CEP162: variants seen among roughly 807,000 people sequenced by gnomAD.
The protein encoded by CEP162 is centrosomal protein 162.
CEP162 carries 141 observed loss-of-function variants against 169.2 expected under a neutral mutation model. The observed-to-expected ratio is 0.83, with a 90% CI of 0.73 to 0.96. The LOEUF is 0.96. Ranked by LOEUF, CEP162 falls within the 40% of genes least tolerant of loss-of-function variation. The pLI is 0.00. For missense variants in CEP162, 1,600 were observed against 1,587.2 expected (o/e 1.01, Z -0.14); for synonymous variants, 540 against 526.4 (o/e 1.03, Z -0.35).
intron 6 of CEP162, among the ~76,000 whole-genome samples, chr6:84,206,314 A>C (rs559723791): frequency 6.6e-6 from 1 of 150,394 alleles, no homozygotes; most frequent in Non-Finnish European, 1.5e-5. Context: ...ACCTGACTTC[A>C]AACTACACTA....
chr6:84,210,286 T>C (rs1385537348), intron 6 of CEP162, among the ~76,000 whole-genome samples: 1 of 152,226 alleles, frequency 6.6e-6, no homozygotes, highest in African/African-American at 2.4e-5. Flanking sequence ...AAGACATTTT[T>C]CATCTTTTGT....
chr6:84,191,710 T>C lies in CEP162; in HGVS notation c.1109+1899A>G, dbSNP rs1562064993. ...GATGCATATAGCCCTGAATGGGACT[T>C]GGGGCTGCCTGCTTGGGGAAGGGGA... is the stretch of plus-strand genomic sequence containing the variant. On this transcript the variant is annotated intron_variant, in intron 11 of 26. Transcript: ENST00000403245. Among the ~76,000 whole-genome samples, 3 of 152,300 alleles carry C rather than the reference T, an allele frequency of 2.0e-5. No homozygotes were observed. The South Asian group carries it at 6.2e-4, about 32-fold the overall frequency.
At position 84,183,446 on chromosome 6, in the gene CEP162, A is replaced by G. The variant is rs909454888; in HGVS notation, c.1663+1741T>C. ...TAGTTTAGGTCTTTCCTAGACTATTATAAGTAATGCAATCACTCCCCAGTC... is the reference window on the plus strand; with the variant it reads ...TAGTTTAGGTCTTTCCTAGACTATTGTAAGTAATGCAATCACTCCCCAGTC... On this transcript the variant is annotated intron_variant, in intron 13 of 26. Transcript: ENST00000403245. 2.4e-4 allele frequency among the ~76,000 whole-genome samples: 36 copies of G among 152,122 alleles called. 1 individual carries two copies. Among genetic ancestry groups the G allele is most frequent in the Non-Finnish European group, 4.3e-4 (29 of 67,998 alleles).
At chr6:84,221,321 C>G (rs765011542) in intron 2 of CEP162, 150 bp from the exon 3 acceptor site, 3 of 455,998 alleles carry the variant, frequency 6.6e-6, no homozygotes, top group Non-Finnish European at 1.2e-5. Context: ...AATTTCACAG[C>G]TACAAACATA....
At chr6:84,204,560 C>T (rs1321089725) in intron 6 of CEP162, among the ~76,000 whole-genome samples, 2 of 152,186 alleles carry the variant, frequency 1.3e-5, no homozygotes, top group African/African-American at 4.8e-5. Flanking sequence ...ACCAGAATCT[C>T]TGGGACACAT....
chr6:84,147,661 A>G (rs2099519501), intron 24 of CEP162, among the ~76,000 whole-genome samples: 2 of 152,142 alleles, frequency 1.3e-5, no homozygotes, highest in African/African-American at 4.8e-5. Context: ...AACATTTTTC[A>G]TGACTAGAAA....
rs367924563 is a variant in CEP162, at chr6:84,227,278, A to C, written c.-60+302T>G. 4.4e-4 allele frequency among the ~76,000 whole-genome samples: 67 copies of C among 152,256 alleles called. 1 individual carries two copies. The highest frequency in any genetic ancestry group is 1.5e-3 in the African/African-American group (63 of 41,534). On this transcript the variant is annotated intron_variant, in intron 1 of 26. Transcript: ENST00000403245. ...CCGGACAATACCCTCCCCATCGTGC[A>C]GAGTAACACCTCTTCCCCTCATTTG...
Position 84,131,360 on chromosome 6 carries a change from G to C in CEP162, c.3871-4848C>G, listed in dbSNP as rs974936056. Among the ~76,000 whole-genome samples the C allele has an allele frequency of 4.4e-4, 67 of 152,302 alleles. 1 individual carries two copies. The highest frequency in any genetic ancestry group is 1.6e-3 in the African/African-American group (65 of 41,552). On this transcript the variant is annotated intron_variant, in intron 25 of 26. Coordinates refer to ENST00000403245, the MANE Select transcript of CEP162 (RefSeq NM_014895.4). ...GGAGAGTTCTGTAGATGTTTATTAG[G>C]TCTGCTTGGTGCAGAGCTGAGTTCA...
chr6:84,204,012 G>C lies in CEP162; in HGVS notation c.656C>G (p.Ser219Cys). The C allele has an allele frequency of 6.2e-7, 1 of 1,607,730 alleles. No homozygotes were observed. The highest frequency in any genetic ancestry group is 8.5e-7 in the Non-Finnish European group (1 of 1,177,086). The change falls in exon 7 of 27, where the codon TCC (serine) becomes TGC (cysteine). Residue 219 changes from serine (S) to cysteine (C), a missense_variant. Coordinates refer to ENST00000403245, the MANE Select transcript of CEP162 (RefSeq NM_014895.4). ...KDEEMPSKENSKSEKISVPKQ... is the reference protein window; with the variant it reads ...KDEEMPSKENCKSEKISVPKQ... The stretch of plus-strand genomic sequence containing the variant: ...GGGCACACTTATTTTTTCTGATTTG[G>C]AATTCTCTTTGGAAGGCATCTCTTC...
rs1285346937 is a variant in CEP162, at chr6:84,155,355, T to G, written c.2937A>C (p.Lys979Asn). 2 of 1,613,616 alleles carry G rather than the reference T, an allele frequency of 1.2e-6. No individual in the cohort carries two copies. The highest frequency in any genetic ancestry group is 1.7e-6 in the Non-Finnish European group (2 of 1,179,726). The change falls in exon 22 of 27, where the codon AAA becomes AAC. Residue 979 changes from lysine to asparagine, a missense_variant. Physicochemically the swap from Lys to Asn is moderately conservative, Grantham distance 94 (BLOSUM62 0). Transcript: ENST00000403245. Reference sequence around the variant, plus strand: ...GAAGGCTTTTCTTTGCATCTTCATCTTTGCCCTCCAGATCAGCTTCTAGCT... The same window carrying G: ...GAAGGCTTTTCTTTGCATCTTCATCGTTGCCCTCCAGATCAGCTTCTAGCT... ...IKKLEADLEGKDEDAKKSLRT... is the reference protein window; with the variant it reads ...IKKLEADLEGNDEDAKKSLRT...
chr6:84,147,739 T>C (rs146502888), intron 24 of CEP162, among the ~76,000 whole-genome samples: 7 of 152,326 alleles, frequency 4.6e-5, no homozygotes, highest in African/African-American at 1.7e-4. Flanking sequence ...ATTATCTTTA[T>C]ACTCTGTGGT....
At chr6:84,176,270 A>G (rs2099532367) in intron 13 of CEP162, among the ~76,000 whole-genome samples, 1 of 152,234 alleles carries the variant, frequency 6.6e-6, no homozygotes, top group Non-Finnish European at 1.5e-5. Context: ...AGTCAAAAGA[A>G]AAAACAAATT....
In CEP162 at chr6:84,215,769, T is replaced by G. The variant is rs774383779; in HGVS notation, c.319+7A>C. 1 of 1,579,512 alleles carries G rather than the reference T, an allele frequency of 6.3e-7. No individual in the cohort carries two copies. Among genetic ancestry groups the G allele is most frequent in the South Asian group, 1.2e-5 (1 of 86,204 alleles). On this transcript the variant is annotated splice_region_variant and intron_variant, in intron 4 of 26. Transcript: ENST00000403245. ...ATTTACCAACTCATATCCCTTGCAT[T>G]TCTTACCATTTGTTTCTAAGCTATC... is the stretch of plus-strand genomic sequence containing the variant.
Position 84,174,033 on chromosome 6 carries a change from G to C in CEP162, c.2166+15C>G. 6.2e-7 allele frequency: 1 copy of C among 1,603,648 alleles called. No homozygotes were observed. The highest frequency in any genetic ancestry group is 8.5e-7 in the Non-Finnish European group (1 of 1,174,886). ...ATCAAGAGTAAATTTGCCATATGTT[G>C]AAGAATTGCCATACCTGTTGATATC... is the stretch of plus-strand genomic sequence containing the variant. On this transcript the variant is annotated intron_variant, in intron 16 of 26. Coordinates refer to ENST00000403245, the MANE Select transcript of CEP162 (RefSeq NM_014895.4).
chr6:84,159,382 C>T (rs891224677), intron 21 of CEP162, among the ~76,000 whole-genome samples: 2 of 149,980 alleles, frequency 1.3e-5, no homozygotes, highest in Non-Finnish European at 3.0e-5. Flanking sequence ...AAAGAAGTAG[C>T]TCCTTTGGTC....
At chr6:84,190,420 C>T (rs551282561) in intron 11 of CEP162, among the ~76,000 whole-genome samples, 1 of 152,204 alleles carries the variant, frequency 6.6e-6, no homozygotes, top group African/African-American at 2.4e-5. Context: ...GGGTCCCCTT[C>T]CACACTGTGG....
At chr6:84,210,499 A>G (rs1354278843) in intron 6 of CEP162, among the ~76,000 whole-genome samples, 1 of 152,188 alleles carries the variant, frequency 6.6e-6, no homozygotes, top group African/African-American at 2.4e-5. Flanking sequence ...CTGAAGGCAC[A>G]TATGTTCTGA....
At chr6:84,170,013 T>A (rs764215543) in intron 17 of CEP162, among the ~76,000 whole-genome samples, 8 of 152,190 alleles carry the variant, frequency 5.3e-5, no homozygotes, top group Non-Finnish European at 1.2e-4. Flanking sequence ...GGATAGATCT[T>A]CTTTTAGAAG....
intron 2 of CEP162, among the ~76,000 whole-genome samples, chr6:84,222,833 T>C (rs114953008): frequency 0.016 from 2,364 of 152,302 alleles, 61 homozygotes; most frequent in African/African-American, 0.054. Context: ...CTCAGTGACT[T>C]GAAGAATGTC....
Sources: gnomAD v4.1 joint callset for allele counts (sites outside exome capture counted in the v4.1 genomes callset) on GRCh38, gnomAD v4.1.1 for gene constraint, MANE v1.5 for transcripts, NCBI Gene and HGNC (gene_info 2026-07-23, HGNC 2026-07-21) for gene names.